The following RBFOX1 variants were observed in gnomAD, a reference collection of about 807,000 sequenced individuals.
RBFOX1 encodes the protein RNA binding fox-1 homolog 1, also known as RNA binding protein fox-1 homolog 1.
Under a neutral mutation model 57.7 loss-of-function variants are expected in RBFOX1, and 8 were observed. The observed-to-expected ratio is 0.14, with a 90% confidence interval of 0.08 to 0.25. RBFOX1 has a LOEUF of 0.25. Ranked by LOEUF, RBFOX1 falls within the 10% of genes least tolerant of loss-of-function variation. The pLI is 1.00. For synonymous variants in RBFOX1, 326 were observed against 222.4 expected, an observed-to-expected ratio of 1.47 and a Z score of -4.15; for missense variants, 611 against 548.5, an observed-to-expected ratio of 1.11 and a Z score of -1.14.
intron 4 of RBFOX1, among the ~76,000 whole-genome samples, chr16:7,376,179 G>C (rs1319263139): frequency 6.6e-6 from 1 of 152,178 alleles, no homozygotes; most frequent in East Asian, 1.9e-4. Context: ...ATATGTTTAT[G>C]AGCTATGTCA....
chr16:7,072,148 T>A (rs543542879), intron 4 of RBFOX1, among the ~76,000 whole-genome samples: 1 of 152,332 alleles, frequency 6.6e-6, no homozygotes. Context: ...TAGTTACAAC[T>A]GTTGTCCTGG....
At chr16:7,661,860 T>C (rs1020483163) in intron 12 of RBFOX1, among the ~76,000 whole-genome samples, 5 of 152,162 alleles carry the variant, frequency 3.3e-5, no homozygotes, top group Non-Finnish European at 7.4e-5. Flanking sequence ...TAACTTTCCA[T>C]AGCCCACAGT....
intron 3 of RBFOX1, among the ~76,000 whole-genome samples, chr16:6,919,674 A>T (rs949881329): frequency 1.3e-5 from 2 of 152,078 alleles, no homozygotes; most frequent in Admixed American, 6.6e-5. Flanking sequence ...GATTGAATCC[A>T]GATCCATAAG....
chr16:7,591,211 A>C (rs968290687), intron 7 of RBFOX1, among the ~76,000 whole-genome samples: 1 of 152,174 alleles, frequency 6.6e-6, no homozygotes, highest in Non-Finnish European at 1.5e-5. Context: ...TGCATGTGCA[A>C]AGATCACTGG....
chr16:6,983,696 G>A (rs1363271322), intron 3 of RBFOX1: 1 of 152,360 alleles, frequency 6.6e-6, no homozygotes, highest in Non-Finnish European at 1.5e-5. Context: ...TGGGAAAACA[G>A]TGTTGCATCT....
intron 4 of RBFOX1, among the ~76,000 whole-genome samples, chr16:7,440,803 C>T (rs554101172): frequency 1.3e-5 from 2 of 152,280 alleles, no homozygotes; most frequent in South Asian, 4.2e-4. Context: ...CTATTCCTCA[C>T]ATTTAGCAGC....
At chr16:5,954,120 G>A (rs552588400) in intron 4 of RBFOX1, among the ~76,000 whole-genome samples, 1 of 152,310 alleles carries the variant, frequency 6.6e-6, no homozygotes, top group East Asian at 1.9e-4. Flanking sequence ...CAGTCCAAAC[G>A]TCAGTGGTGC....
chr16:6,822,249 C>T (rs1295593711), intron 3 of RBFOX1, among the ~76,000 whole-genome samples: 1 of 152,114 alleles, frequency 6.6e-6, no homozygotes, highest in African/African-American at 2.4e-5. Context: ...CCTTGAGTAT[C>T]AATGCTCAGT....
chr16:6,631,919 T>C (rs565313820), intron 2 of RBFOX1, among the ~76,000 whole-genome samples: 1 of 152,010 alleles, frequency 6.6e-6, no homozygotes, highest in Non-Finnish European at 1.5e-5. Flanking sequence ...CAGGAAAAGG[T>C]AGGAGAGGTC....
intron 3 of RBFOX1, among the ~76,000 whole-genome samples, chr16:6,822,888 C>T (rs765705888): frequency 6.6e-6 from 1 of 152,168 alleles, no homozygotes; most frequent in Non-Finnish European, 1.5e-5. Context: ...ACATAAAGGG[C>T]ATGCATTAAT....
chr16:5,321,868 G>T (rs1173582326), intron 1 of RBFOX1, among the ~76,000 whole-genome samples: 1 of 152,174 alleles, frequency 6.6e-6, no homozygotes, highest in African/African-American at 2.4e-5. Flanking sequence ...GGTGACCTCT[G>T]TAGCACAGAG....
chr16:6,677,202 G>T (rs2057879447), intron 3 of RBFOX1, among the ~76,000 whole-genome samples: 1 of 152,090 alleles, frequency 6.6e-6, no homozygotes, highest in Non-Finnish European at 1.5e-5. Flanking sequence ...TGAGTAAGTG[G>T]CAGGACTACA....
intron 4 of RBFOX1, among the ~76,000 whole-genome samples, chr16:7,360,593 G>A (rs1034594673): frequency 1.3e-5 from 2 of 152,146 alleles, no homozygotes; most frequent in Admixed American, 1.3e-4. Context: ...TTGAAAGGAC[G>A]TTTCCTGTAG....
intron 3 of RBFOX1, among the ~76,000 whole-genome samples, chr16:6,901,748 G>C (rs2068551455): frequency 6.6e-6 from 1 of 152,198 alleles, no homozygotes; most frequent in African/African-American, 2.4e-5. Context: ...TACTGCTTCA[G>C]ACCCAGTAGA....
chr16:5,669,918 A>C (rs1361417430), intron 3 of RBFOX1, among the ~76,000 whole-genome samples: 1 of 152,250 alleles, frequency 6.6e-6, no homozygotes, highest in Non-Finnish European at 1.5e-5. Flanking sequence ...AATATCCAAA[A>C]GGTAGAAACT....
At chr16:6,687,278 A>G (rs941225967) in intron 3 of RBFOX1, among the ~76,000 whole-genome samples, 1 of 152,134 alleles carries the variant, frequency 6.6e-6, no homozygotes, top group African/African-American at 2.4e-5. Context: ...GACTTTGGAT[A>G]CTCAGAAGGG....
At chr16:5,641,652 A>T (rs1410129790) in intron 3 of RBFOX1, among the ~76,000 whole-genome samples, 1 of 152,160 alleles carries the variant, frequency 6.6e-6, no homozygotes, top group Non-Finnish European at 1.5e-5. Flanking sequence ...GGCCTGGGGA[A>T]GTATGCTTGG....
chr16:6,712,365 G>C (rs528561887), intron 3 of RBFOX1, among the ~76,000 whole-genome samples: 1 of 152,206 alleles, frequency 6.6e-6, no homozygotes, highest in Admixed American at 6.5e-5. Context: ...GAAATGTTAC[G>C]TCTGTCCTGG....
At chr16:6,507,495 A>G (rs1335447707) in intron 2 of RBFOX1, among the ~76,000 whole-genome samples, 1 of 105,070 alleles carries the variant, frequency 9.5e-6, no homozygotes, top group Admixed American at 1.2e-4. Flanking sequence ...ACATAACAAG[A>G]CCCTATCTGT....
Sources: allele counts gnomAD v4.1 joint callset (sites outside exome capture counted in the v4.1 genomes callset), GRCh38; gene constraint gnomAD v4.1.1; transcripts MANE v1.5; gene names NCBI Gene and HGNC (gene_info 2026-07-23, HGNC 2026-07-21).